NRXN3: variants seen among roughly 807,000 people sequenced by gnomAD.
The protein encoded by NRXN3 is neurexin III.
A neutral mutation model predicts 137.6 loss-of-function variants in NRXN3; 32 were observed. That is an observed-to-expected ratio of 0.23 (90% CI 0.18 to 0.31). NRXN3 has a LOEUF of 0.31. NRXN3 is among the 10% of genes least tolerant of loss of function. The probability of loss-of-function intolerance (pLI) is 1.00; values close to 1 mark genes in which losing one functional copy is unlikely to be tolerated. For synonymous variants in NRXN3, 798 were observed against 784.5 expected (o/e 1.02, Z -0.29); for missense variants, 1,574 against 2,062.5 (o/e 0.76, Z 4.59).
At position 79,333,290 on chromosome 14, in the gene NRXN3, C is replaced by T. The variant is rs186064397; in HGVS notation, c.3263-133931C>T. 3.0e-4 allele frequency among the ~76,000 whole-genome samples: 46 copies of T among 152,256 alleles called. 1 individual carries two copies. The highest frequency in any genetic ancestry group is 1.1e-3 in the African/African-American group (45 of 41,558). ...GTTCAGCCTGATTCCTCTCCACCTC[C>T]TCTCCCTTCAGTGACTGCAAGGCTC... is the stretch of plus-strand genomic sequence containing the variant. On this transcript the variant is annotated intron_variant, in intron 15 of 20. Transcript: ENST00000335750.
intron 6 of NRXN3, among the ~76,000 whole-genome samples, chr14:78,671,442 A>G (rs1045418151): frequency 6.8e-4 from 103 of 152,344 alleles, no homozygotes; most frequent in Non-Finnish European, 6.2e-4. Context: ...AAGTACATAT[A>G]AGAAATGTTG....
At chr14:78,986,179 A>G (rs1489807779) in intron 14 of NRXN3, among the ~76,000 whole-genome samples, 1 of 152,126 alleles carries the variant, frequency 6.6e-6, no homozygotes, top group Admixed American at 6.6e-5. Context: ...TTACGTTAGA[A>G]ACTGTGAAAT....
At chr14:79,209,676 G>C (rs1183670622) in intron 15 of NRXN3, among the ~76,000 whole-genome samples, 1 of 151,958 alleles carries the variant, frequency 6.6e-6, no homozygotes, top group Admixed American at 6.6e-5. Flanking sequence ...CCATTATAAC[G>C]TATGCTTCTG....
At position 79,106,300 on chromosome 14, in the gene NRXN3, C is replaced by G. The variant is rs185823318; in HGVS notation, c.3262+118159C>G. Among the ~76,000 whole-genome samples the G allele has an allele frequency of 2.1e-3, 320 of 152,112 alleles. 1 individual carries two copies. The highest frequency in any genetic ancestry group is 7.4e-3 in the African/African-American group (309 of 41,520). On this transcript the variant is annotated intron_variant, in intron 15 of 20. Transcript: ENST00000335750. Reference sequence around the variant, plus strand: ...AGTCTGCTTGGACTGAAACCCAATTCAAGAGTTGGAACCCATGTTGGCAGT... The same window carrying G: ...AGTCTGCTTGGACTGAAACCCAATTGAAGAGTTGGAACCCATGTTGGCAGT...
chr14:79,307,025 A>G (rs1355954423), intron 15 of NRXN3, among the ~76,000 whole-genome samples: 2 of 152,104 alleles, frequency 1.3e-5, no homozygotes, highest in African/African-American at 4.8e-5. Context: ...TTCTACTTCC[A>G]GGAAATAGCT....
At chr14:79,761,705 AAAAATAG>A (rs2099039462) in intron 19 of NRXN3, among the ~76,000 whole-genome samples, 1 of 151,028 alleles carries the variant, frequency 6.6e-6, no homozygotes. Context: ...AAAAAAAAAA[AAAAATAG>A]ATCTCACTAG....
chr14:79,388,979 A>C (rs1179219360), intron 15 of NRXN3, among the ~76,000 whole-genome samples: 1 of 152,122 alleles, frequency 6.6e-6, no homozygotes, highest in African/African-American at 2.4e-5. Flanking sequence ...TCTTCTCCTT[A>C]GCCTTCTGCC....
chr14:78,988,189 G>A (rs771579977), intron 15 of NRXN3, 48 bp downstream of exon 15: 83 of 1,609,304 alleles, frequency 5.2e-5, no homozygotes, highest in Non-Finnish European at 5.8e-5. Context: ...GATGTTTGGA[G>A]ATTTGGAGAA....
intron 4 of NRXN3, among the ~76,000 whole-genome samples, chr14:78,441,851 C>T (rs546035495): frequency 6.6e-6 from 1 of 152,204 alleles, no homozygotes; most frequent in African/African-American, 2.4e-5. Flanking sequence ...AATCCCAGCA[C>T]TTTGGGAGGC....
At chr14:79,657,626 G>T (rs1055586420) in intron 16 of NRXN3, among the ~76,000 whole-genome samples, 21 of 152,252 alleles carry the variant, frequency 1.4e-4, no homozygotes, top group African/African-American at 5.1e-4. Context: ...AGAGACTAAT[G>T]ATCTTCACTG....
chr14:79,717,942 C>G (rs1004116988), intron 19 of NRXN3, among the ~76,000 whole-genome samples: 2 of 152,078 alleles, frequency 1.3e-5, no homozygotes. Flanking sequence ...TGCTATGGAC[C>G]CATCACCCTT....
intron 15 of NRXN3, among the ~76,000 whole-genome samples, chr14:79,064,185 C>T (rs184995391): frequency 1.3e-5 from 2 of 152,232 alleles, no homozygotes; most frequent in African/African-American, 4.8e-5. Context: ...AACATGGAGA[C>T]AATGGCACAG....
chr14:78,650,030 C>G (rs954182737), intron 5 of NRXN3, among the ~76,000 whole-genome samples: 2 of 151,800 alleles, frequency 1.3e-5, no homozygotes, highest in Non-Finnish European at 2.9e-5. Context: ...TTATTTTTCC[C>G]CACTCTTCAT....
chr14:78,972,559 G>A (rs1407532224), intron 14 of NRXN3, among the ~76,000 whole-genome samples: 1 of 152,162 alleles, frequency 6.6e-6, no homozygotes, highest in Non-Finnish European at 1.5e-5. Context: ...CACTCCCTGA[G>A]GTTGGCTGTG....
At chr14:78,344,515 C>T (rs1200668097) in intron 4 of NRXN3, among the ~76,000 whole-genome samples, 1 of 152,206 alleles carries the variant, frequency 6.6e-6, no homozygotes, top group African/African-American at 2.4e-5. Context: ...GAGCAGGCAT[C>T]CTCCCTTCCT....
chr14:78,440,249 C>T (rs2094200169), intron 4 of NRXN3, among the ~76,000 whole-genome samples: 1 of 152,178 alleles, frequency 6.6e-6, no homozygotes, highest in Admixed American at 6.5e-5. Flanking sequence ...TCAAACCAGA[C>T]ATTGGGCTCC....
At chr14:79,308,798 G>A (rs200614876) in intron 15 of NRXN3, among the ~76,000 whole-genome samples, 2 of 142,710 alleles carry the variant, frequency 1.4e-5, no homozygotes, top group African/African-American at 5.2e-5. Context: ...TGCACTGAAT[G>A]TGTACAACAG....
rs898509423 is a variant in NRXN3 at position 78,962,904 on chromosome 14, G to T, written c.2396-3121G>T. On this transcript the variant is annotated intron_variant, in intron 11 of 20. Transcript: ENST00000335750. Reference sequence around the variant, plus strand: ...AATTTTTGTATTTTTAGTAAAGACGGGTTTTCACCATGTTAGCCAGGATGG... The same window carrying T: ...AATTTTTGTATTTTTAGTAAAGACGTGTTTTCACCATGTTAGCCAGGATGG... Among the ~76,000 whole-genome samples, 24 of 152,128 alleles carry T rather than the reference G, an allele frequency of 1.6e-4. No individual in the cohort carries two copies. In the South Asian group the frequency reaches 2.1e-3, roughly 13 times the overall value.
intron 15 of NRXN3, among the ~76,000 whole-genome samples, chr14:79,214,216 C>A (rs2068133515): frequency 6.6e-6 from 1 of 152,186 alleles, no homozygotes; most frequent in Admixed American, 6.5e-5. Flanking sequence ...GAGAAGGTGG[C>A]AGTGAGGACA....
Sources: allele counts gnomAD v4.1 joint callset (sites outside exome capture counted in the v4.1 genomes callset), GRCh38; gene constraint gnomAD v4.1.1; transcripts MANE v1.5; gene names NCBI Gene and HGNC (gene_info 2026-07-23, HGNC 2026-07-21).